The following NKAIN3 variants were observed in gnomAD, a reference collection of about 807,000 sequenced individuals.
NKAIN3 encodes sodium/potassium-transporting ATPase subunit beta-1-interacting protein 3.
A neutral mutation model predicts 30.2 loss-of-function variants in NKAIN3; 25 were observed. The ratio of observed to expected loss-of-function variants is 0.83; its 90% CI spans 0.60 to 1.16. The LOEUF is 1.16. Among genes scored for constraint, NKAIN3 ranks in the 50% most tolerant of loss-of-function variants. The pLI is 0.00. For missense variants in NKAIN3, 225 were observed against 254.1 expected, an observed-to-expected ratio of 0.89 and a Z score of 0.78; for synonymous variants, 91 against 89.6, an observed-to-expected ratio of 1.02 and a Z score of -0.09.
At chr8:62,691,000 T>TTCG (rs1563518029) in intron 3 of NKAIN3, among the ~76,000 whole-genome samples, 3 of 152,124 alleles carry the variant, frequency 2.0e-5, no homozygotes, top group Non-Finnish European at 4.4e-5. Context: ...TCCCCTAATA[T>TTCG]AATGCAGGTT....
At chr8:62,898,558 A>G (rs1821508527) in intron 4 of NKAIN3, among the ~76,000 whole-genome samples, 2 of 152,120 alleles carry the variant, frequency 1.3e-5, no homozygotes, top group African/African-American at 4.8e-5. Context: ...GAGACTCAGA[A>G]GGGAGGAGGG....
At chr8:62,622,058 C>T (rs1386612934) in intron 3 of NKAIN3, among the ~76,000 whole-genome samples, 2 of 151,938 alleles carry the variant, frequency 1.3e-5, no homozygotes, top group African/African-American at 2.4e-5. Context: ...TAGCATATAG[C>T]CTTTAGGGAT....
chr8:62,451,539 C>T (rs989526809), intron 1 of NKAIN3, among the ~76,000 whole-genome samples: 1 of 152,150 alleles, frequency 6.6e-6, no homozygotes, highest in Non-Finnish European at 1.5e-5. Flanking sequence ...TCTTTCCAAA[C>T]TCATGCTCTT....
chr8:62,739,228 A>G (rs1815780507), intron 3 of NKAIN3, among the ~76,000 whole-genome samples: 1 of 152,152 alleles, frequency 6.6e-6, no homozygotes, highest in Non-Finnish European at 1.5e-5. Context: ...AAACTTGCAC[A>G]TTCTGCACAC....
At chr8:62,458,282 G>A (rs1215911368) in intron 1 of NKAIN3, among the ~76,000 whole-genome samples, 1 of 152,136 alleles carries the variant, frequency 6.6e-6, no homozygotes, top group Admixed American at 6.5e-5. Context: ...TAAGGAGTAA[G>A]GAAAGCTATA....
chr8:62,997,598 C>A (rs1011147767), intron 5 of NKAIN3, among the ~76,000 whole-genome samples: 1 of 152,064 alleles, frequency 6.6e-6, no homozygotes, highest in African/African-American at 2.4e-5. Context: ...TGTTCAGATC[C>A]ACCAGCTGTA....
At chr8:62,469,722 T>G (rs939737303) in intron 1 of NKAIN3, among the ~76,000 whole-genome samples, 1 of 152,176 alleles carries the variant, frequency 6.6e-6, no homozygotes, top group African/African-American at 2.4e-5. Flanking sequence ...GAAAGAAACC[T>G]TCATCACCTA....
chr8:62,785,501 A>C (rs184049084), intron 4 of NKAIN3, among the ~76,000 whole-genome samples: 51 of 152,262 alleles, frequency 3.3e-4, no homozygotes, highest in African/African-American at 1.1e-3. Flanking sequence ...ATGTTCTAAA[A>C]TTAGATTGTG....
chr8:62,518,152 G>A (rs1209130236), intron 1 of NKAIN3, among the ~76,000 whole-genome samples: 1 of 152,110 alleles, frequency 6.6e-6, no homozygotes, highest in African/African-American at 2.4e-5. Context: ...CTTGAGGTCA[G>A]GAGTTTGAAC....
chr8:62,976,235 T>C lies in NKAIN3; in HGVS notation c.*10828T>C, dbSNP rs533549008. On this transcript the variant is annotated 3_prime_UTR_variant, in exon 7 of 7. Transcript: ENST00000623646. ...AAGAGGTGAGTTCAAGTCCTGAATA[T>C]CCTTGTTAATTTTCTATCTCGGTGA... Among the ~76,000 whole-genome samples the C allele has an allele frequency of 6.6e-6, 1 of 152,214 alleles. No individual in the cohort carries two copies. Among genetic ancestry groups the C allele is most frequent in the Admixed American group, 6.5e-5 (1 of 15,280 alleles).
intron 1 of NKAIN3, among the ~76,000 whole-genome samples, chr8:62,264,034 A>G (rs1812532922): frequency 6.6e-6 from 1 of 152,190 alleles, no homozygotes; most frequent in African/African-American, 2.4e-5. Flanking sequence ...TCCACTGAAC[A>G]TTGGTCAGAT....
intron 3 of NKAIN3, 82 bp downstream of exon 3, chr8:62,589,876 TG>T (rs1810598006): frequency 9.1e-5 from 3 of 32,796 alleles, no homozygotes; most frequent in East Asian, 2.3e-4. Context: ...ATAGGTATAT[TG>T]TGTGTGTGTG....
intron 5 of NKAIN3, chr8:62,990,017 G>A (rs1026094510): frequency 3.9e-6 from 2 of 508,866 alleles, no homozygotes; most frequent in Non-Finnish European, 7.1e-6. Flanking sequence ...TCCTCATCTT[G>A]TATCTGCTCA....
At chr8:62,324,958 T>C (rs74657490) in intron 1 of NKAIN3, among the ~76,000 whole-genome samples, 2,133 of 151,670 alleles carry the variant, frequency 0.014, 46 homozygotes, top group African/African-American at 0.046. Context: ...TGTTTCTTCT[T>C]CCCAAAGCCA....
chr8:62,620,972 T>C (rs1431058073), intron 3 of NKAIN3, among the ~76,000 whole-genome samples: 1 of 152,202 alleles, frequency 6.6e-6, no homozygotes, highest in Non-Finnish European at 1.5e-5. Flanking sequence ...GTGGTGATCC[T>C]GAGTGCTCTT....
chr8:62,631,498 A>G (rs1466342353), intron 3 of NKAIN3, among the ~76,000 whole-genome samples: 3 of 152,152 alleles, frequency 2.0e-5, no homozygotes, highest in Admixed American at 6.6e-5. Flanking sequence ...CCATTTCTGT[A>G]TTTGTCACTC....
intron 4 of NKAIN3, among the ~76,000 whole-genome samples, chr8:62,832,258 GACACACACACACACAC>G (rs57632946): frequency 0.011 from 1,441 of 132,680 alleles, 23 homozygotes; most frequent in African/African-American, 0.038. Flanking sequence ...TGACCAAACA[GACACACACACACACAC>G]ACACACACAC....
chr8:62,870,274 A>ATCTATAGATATC (rs1563604041), intron 4 of NKAIN3, among the ~76,000 whole-genome samples: 20 of 126,438 alleles, frequency 1.6e-4, no homozygotes, highest in African/African-American at 3.6e-4. Flanking sequence ...ATATATAGAT[A>ATCTATAGATATC]TATATAAATA....
Position 62,306,576 on chromosome 8 carries a change from G to T in NKAIN3, c.54+57449G>T, listed in dbSNP as rs868189173. On this transcript the variant is annotated intron_variant, in intron 1 of 6. Transcript: ENST00000623646. ...TGTGTGTGTGTGTGTGTGTGTGTGT[G>T]TTGTGTGTGTGTTTAGTTTATGTGT... Among the ~76,000 whole-genome samples, 573 of 129,212 alleles carry T rather than the reference G, an allele frequency of 4.4e-3. 21 individuals are homozygous for T. Among genetic ancestry groups the T allele is most frequent in the African/African-American group, 0.017 (544 of 32,684 alleles). 84.8% of individuals were successfully genotyped at this position (129,212 alleles called of 152,430 possible). A position where few individuals can be genotyped will look rare whatever the true frequency, so the allele number is the denominator to read the frequency against.
Sources: gnomAD v4.1 joint callset for allele counts (sites outside exome capture counted in the v4.1 genomes callset) on GRCh38, gnomAD v4.1.1 for gene constraint, MANE v1.5 for transcripts, NCBI Gene and HGNC (gene_info 2026-07-23, HGNC 2026-07-21) for gene names.